The following ARHGAP8 variants were observed in gnomAD, a reference collection of about 807,000 sequenced individuals.
The protein encoded by ARHGAP8 is rho GTPase-activating protein 8.
A neutral mutation model predicts 46.1 loss-of-function variants in ARHGAP8; 62 were observed. The ratio of observed to expected loss-of-function variants is 1.34; its 90% CI spans 1.10 to 1.66. ARHGAP8 has a LOEUF of 1.66. Among genes scored for constraint, ARHGAP8 ranks in the 40% most tolerant of loss-of-function variants. ARHGAP8 has a pLI of 0.00. For synonymous variants in ARHGAP8, 375 were observed against 243.1 expected, an observed-to-expected ratio of 1.54 and a Z score of -5.05; for missense variants, 923 against 568.4, an observed-to-expected ratio of 1.62 and a Z score of -6.34.
chr22:44,753,146 G>A (rs1207048598), intron 1 of ARHGAP8, among the ~76,000 whole-genome samples: 2 of 151,920 alleles, frequency 1.3e-5, no homozygotes, highest in African/African-American at 4.8e-5. Flanking sequence ...CAGGTGCTGC[G>A]CTGATTCAAA....
At chr22:44,854,355 G>A (rs1053895806) in intron 10 of ARHGAP8, among the ~76,000 whole-genome samples, 1 of 150,786 alleles carries the variant, frequency 6.6e-6, no homozygotes, top group Non-Finnish European at 1.5e-5. Context: ...ATCTGCCTCA[G>A]CCTCCGGAGT....
At chr22:44,860,561 G>C (rs973998186) in intron 11 of ARHGAP8, among the ~76,000 whole-genome samples, 2 of 141,112 alleles carry the variant, frequency 1.4e-5, no homozygotes, top group Non-Finnish European at 3.1e-5. Context: ...AACGACAGCT[G>C]CAACGGCCCT....
chr22:44,848,076 C>T, intron 9 of ARHGAP8, 26 bp downstream of exon 9: 3 of 1,602,572 alleles, frequency 1.9e-6, no homozygotes, highest in Non-Finnish European at 2.5e-6. Context: ...AGTCCTGAGC[C>T]CCGAGCTGCC....
At chr22:44,754,324 G>A (rs1433991110) in intron 1 of ARHGAP8, among the ~76,000 whole-genome samples, 8 of 147,214 alleles carry the variant, frequency 5.4e-5, no homozygotes, top group African/African-American at 2.1e-4. Context: ...TAACATCATT[G>A]GGTCATTGAA....
intron 11 of ARHGAP8, among the ~76,000 whole-genome samples, 184 bp downstream of exon 11, chr22:44,860,018 GACCTCCT>G (rs2070391718): frequency 6.6e-6 from 1 of 151,624 alleles, no homozygotes; most frequent in African/African-American, 2.4e-5. Flanking sequence ...TGCTGCTGCG[GACCTCCT>G]GCCTGTCAGA....
At chr22:44,781,578 C>T (rs927687008) in intron 1 of ARHGAP8, among the ~76,000 whole-genome samples, 2 of 152,138 alleles carry the variant, frequency 1.3e-5, no homozygotes, top group Non-Finnish European at 2.9e-5. Flanking sequence ...AGCTGGAGTG[C>T]GATGGCGCGA....
chr22:44,774,222 G>A (rs904117060), intron 1 of ARHGAP8, among the ~76,000 whole-genome samples: 9 of 152,166 alleles, frequency 5.9e-5, no homozygotes, highest in African/African-American at 2.2e-4. Context: ...CGGGGTTAAA[G>A]TTAAGGATGA....
At chr22:44,765,502 G>C (rs1925485533) in intron 1 of ARHGAP8, 1 of 152,682 alleles carries the variant, frequency 6.5e-6, no homozygotes, top group African/African-American at 2.4e-5. Flanking sequence ...GGGTGGGACA[G>C]AGCTGGAGGG....
At chr22:44,860,909 C>T (rs1187067608) in intron 11 of ARHGAP8, among the ~76,000 whole-genome samples, 1 of 152,174 alleles carries the variant, frequency 6.6e-6, no homozygotes, top group African/African-American at 2.4e-5. Flanking sequence ...ATCCCAGAGT[C>T]TGTTGGAGAA....
At chr22:44,812,920 C>T (rs192926387) in intron 4 of ARHGAP8, among the ~76,000 whole-genome samples, 90 of 152,266 alleles carry the variant, frequency 5.9e-4, no homozygotes, top group Non-Finnish European at 1.2e-3. Flanking sequence ...CCATTACTAT[C>T]ATTTTAATGA....
intron 10 of ARHGAP8, among the ~76,000 whole-genome samples, chr22:44,856,061 C>T (rs940520408): frequency 1.3e-5 from 2 of 152,012 alleles, no homozygotes; most frequent in Non-Finnish European, 2.9e-5. Flanking sequence ...TGAGAAATCA[C>T]TCACTCTCAT....
chr22:44,828,007 G>C (rs6007309), intron 7 of ARHGAP8, among the ~76,000 whole-genome samples: 1 of 151,940 alleles, frequency 6.6e-6, no homozygotes, highest in East Asian at 1.9e-4. Context: ...ATGCTGAATT[G>C]CTAATTTTAT....
intron 8 of ARHGAP8, among the ~76,000 whole-genome samples, chr22:44,846,141 C>T (rs1187551604): frequency 6.6e-6 from 1 of 152,198 alleles, no homozygotes. Flanking sequence ...CAGCTCTGCC[C>T]ACGGACTCAG....
intron 2 of ARHGAP8, among the ~76,000 whole-genome samples, chr22:44,800,259 A>G (rs935218488): frequency 6.6e-6 from 1 of 151,834 alleles, no homozygotes; most frequent in African/African-American, 2.4e-5. Flanking sequence ...ATGTGCCACC[A>G]CGCCTGGCTA....
At chr22:44,840,111 G>C (rs1428556606) in intron 7 of ARHGAP8, among the ~76,000 whole-genome samples, 1 of 152,252 alleles carries the variant, frequency 6.6e-6, no homozygotes, top group Non-Finnish European at 1.5e-5. Context: ...CAGGTGGGAA[G>C]AGTCAGGCTC....
At chr22:44,811,271 CAGCAGTGACCTGTG>C (rs1445060429) in intron 4 of ARHGAP8, among the ~76,000 whole-genome samples, 20 of 152,344 alleles carry the variant, frequency 1.3e-4, no homozygotes, top group East Asian at 1.9e-4. Context: ...TCTGTGTTGC[CAGCAGTGACCTGTG>C]AGCAGTGACA....
intron 10 of ARHGAP8, among the ~76,000 whole-genome samples, chr22:44,858,360 TTGG>T (rs2070300140): frequency 8.0e-6 from 1 of 125,514 alleles, no homozygotes; most frequent in African/African-American, 2.9e-5. Flanking sequence ...TACTTGTTGG[TTGG>T]TGGTGGTTTT....
chr22:44,862,452 C>T lies in ARHGAP8; in HGVS notation c.1159C>T (p.Pro387Ser), dbSNP rs756233338. The stretch of plus-strand genomic sequence containing the variant: ...AAAGATCTTCAGCACCCCGGAGGCA[C>T]CTGGGGAGCACGGCCTGGCACCATG... Reference protein sequence around the residue: ...YEKIFSTPEAPGEHGLAPWEQ... With the variant: ...YEKIFSTPEASGEHGLAPWEQ... Residue 387 changes from proline to serine, a missense_variant, in exon 12 of 12, where the codon CCT (proline) becomes TCT (serine). Pro to Ser is a moderately conservative substitution (Grantham distance 74, BLOSUM62 -1). Coordinates refer to ENST00000356099, the MANE Select transcript of ARHGAP8 (RefSeq NM_181335.3). 1.2e-6 allele frequency: 2 copies of T among 1,614,084 alleles called. No individual in the cohort carries two copies. Among genetic ancestry groups the T allele is most frequent in the Admixed American group, 3.3e-5 (2 of 60,022 alleles).
chr22:44,777,659 G>A (rs1180995266), intron 1 of ARHGAP8, among the ~76,000 whole-genome samples: 1 of 151,620 alleles, frequency 6.6e-6, no homozygotes, highest in Non-Finnish European at 1.5e-5. Context: ...TTGTATTTGA[G>A]CCCACCCAGT....
Sources: gnomAD v4.1 joint callset for allele counts (sites outside exome capture counted in the v4.1 genomes callset) on GRCh38, gnomAD v4.1.1 for gene constraint, MANE v1.5 for transcripts, NCBI Gene and HGNC (gene_info 2026-07-23, HGNC 2026-07-21) for gene names.